The following FER variants were observed in gnomAD, a reference collection of about 807,000 sequenced individuals.
The protein encoded by FER is FER tyrosine kinase, also known as tyrosine-protein kinase Fer.
In FER, 63 loss-of-function variants were observed where a neutral mutation model predicts 111.0. The ratio of observed to expected loss-of-function variants is 0.57; its 90% CI spans 0.46 to 0.70. The LOEUF is 0.70. Ranked by LOEUF, FER falls within the 30% of genes least tolerant of loss-of-function variation. The pLI is 0.00. For missense variants in FER, 914 were observed against 954.0 expected (o/e 0.96, Z 0.55); for synonymous variants, 327 against 313.9 (o/e 1.04, Z -0.44).
intron 5 of FER, among the ~76,000 whole-genome samples, chr5:108,849,301 G>A (rs557997603): frequency 2.0e-5 from 3 of 151,978 alleles, no homozygotes; most frequent in African/African-American, 7.2e-5. Context: ...TAGGCTGCTT[G>A]TAGTTCTCTT....
intron 3 of FER, chr5:108,820,479 C>A (rs1398029800): frequency 1.0e-6 from 1 of 985,102 alleles, no homozygotes; most frequent in African/African-American, 1.7e-5. Flanking sequence ...GGAATAAAAG[C>A]AATTGAGGAG....
At chr5:109,149,623 G>A (rs766772047) in intron 17 of FER, among the ~76,000 whole-genome samples, 1 of 152,132 alleles carries the variant, frequency 6.6e-6, no homozygotes, top group Non-Finnish European at 1.5e-5. Flanking sequence ...ACAATGGCAA[G>A]TGTTGGAAAT....
intron 13 of FER, among the ~76,000 whole-genome samples, chr5:108,999,121 CTTCCTTGATTCTATGTT>C (rs1479570982): frequency 6.6e-6 from 1 of 151,956 alleles, no homozygotes; most frequent in Non-Finnish European, 1.5e-5. Context: ...AACTTGTAGC[CTTCCTTGATTCTATGTT>C]TTTTCCAGTT....
intron 14 of FER, among the ~76,000 whole-genome samples, chr5:109,041,752 TAA>T (rs1265922625): frequency 3.9e-5 from 6 of 152,114 alleles, no homozygotes; most frequent in African/African-American, 1.4e-4. Context: ...TCAAATTCAG[TAA>T]ATGACAGCTG....
intron 10 of FER, among the ~76,000 whole-genome samples, chr5:108,934,090 C>T (rs1049574490): frequency 6.6e-6 from 1 of 152,112 alleles, no homozygotes; most frequent in Non-Finnish European, 1.5e-5. Flanking sequence ...CTGGCGAGAA[C>T]TTTCAATACT....
chr5:109,080,982 C>T (rs1776924436), intron 16 of FER, among the ~76,000 whole-genome samples: 1 of 151,956 alleles, frequency 6.6e-6, no homozygotes. Context: ...GCAAAGTGTT[C>T]AAAGTAGAGC....
chr5:109,176,671 T>C (rs1757725933), intron 17 of FER, among the ~76,000 whole-genome samples: 1 of 152,232 alleles, frequency 6.6e-6, no homozygotes, highest in South Asian at 2.1e-4. Flanking sequence ...ATGATAGATA[T>C]GCTCATTACC....
At chr5:109,113,978 A>T (rs1749936186) in intron 17 of FER, among the ~76,000 whole-genome samples, 1 of 152,164 alleles carries the variant, frequency 6.6e-6, no homozygotes, top group South Asian at 2.1e-4. Flanking sequence ...TATATAATCA[A>T]GGCCTTAAGA....
chr5:108,839,338 G>A (rs1002307276), intron 5 of FER, among the ~76,000 whole-genome samples: 2 of 152,160 alleles, frequency 1.3e-5, no homozygotes, highest in African/African-American at 4.8e-5. Context: ...AATCCTAGGT[G>A]ATTGTCAAAT....
intron 17 of FER, among the ~76,000 whole-genome samples, chr5:109,157,918 C>G (rs1309210165): frequency 1.3e-5 from 2 of 152,102 alleles, no homozygotes; most frequent in African/African-American, 4.8e-5. Flanking sequence ...GCTATGATTA[C>G]TATTCAGTGA....
chr5:108,828,291 A>G (rs1759684054), intron 3 of FER, among the ~76,000 whole-genome samples: 1 of 152,216 alleles, frequency 6.6e-6, no homozygotes, highest in African/African-American at 2.4e-5. Context: ...TAGGCTGCTT[A>G]TTTAAAAACC....
intron 13 of FER, among the ~76,000 whole-genome samples, chr5:109,023,609 T>C (rs1172919125): frequency 6.6e-6 from 1 of 152,122 alleles, no homozygotes. Context: ...TTCCCTTATG[T>C]CCATTTTTAT....
At chr5:109,069,661 TC>T (rs1775542006) in intron 16 of FER, among the ~76,000 whole-genome samples, 1 of 152,084 alleles carries the variant, frequency 6.6e-6, no homozygotes. Context: ...CTGGTAGTAT[TC>T]CAGAGCAAAT....
intron 5 of FER, among the ~76,000 whole-genome samples, chr5:108,844,141 T>TGTGTGTGAACATATATATGTGTGAACAC (rs1761626880): frequency 7.7e-5 from 8 of 104,122 alleles, no homozygotes; most frequent in African/African-American, 1.9e-4. Flanking sequence ...TGTGAACATA[T>TGTGTGTGAACATATATATGTGTGAACAC]ATGTGTGTGT....
intron 5 of FER, among the ~76,000 whole-genome samples, chr5:108,863,368 G>A (rs563615270): frequency 6.6e-5 from 10 of 152,228 alleles, no homozygotes; most frequent in African/African-American, 1.7e-4. Context: ...TAATCCGCCC[G>A]CCTCGGCCTC....
chr5:109,178,876 T>C (rs1363947728), intron 17 of FER, among the ~76,000 whole-genome samples: 2 of 152,242 alleles, frequency 1.3e-5, no homozygotes, highest in East Asian at 3.8e-4. Context: ...GCATTAAATC[T>C]ATACATTAAT....
chr5:108,850,126 T>TG (rs1762412224), intron 5 of FER, among the ~76,000 whole-genome samples: 1 of 150,874 alleles, frequency 6.6e-6, no homozygotes, highest in Admixed American at 6.6e-5. Flanking sequence ...ACCTGGGAGG[T>TG]GGAGGTTGCA....
At chr5:108,935,305 TC>T (rs1187768498) in intron 10 of FER, among the ~76,000 whole-genome samples, 1 of 152,080 alleles carries the variant, frequency 6.6e-6, no homozygotes, top group Non-Finnish European at 1.5e-5. Context: ...CTGCTGGAGA[TC>T]CTATCATTCC....
chr5:108,772,158 A>T (rs1752966998), intron 2 of FER, among the ~76,000 whole-genome samples: 1 of 152,050 alleles, frequency 6.6e-6, no homozygotes, highest in Non-Finnish European at 1.5e-5. Flanking sequence ...ATGAGTGCAG[A>T]TCATTCATGG....
Sources: gnomAD v4.1 joint callset for allele counts (sites outside exome capture counted in the v4.1 genomes callset) on GRCh38, gnomAD v4.1.1 for gene constraint, MANE v1.5 for transcripts, NCBI Gene and HGNC (gene_info 2026-07-23, HGNC 2026-07-21) for gene names.